The following PRKG1 variants were observed in gnomAD, a reference collection of about 807,000 sequenced individuals.
PRKG1 encodes the protein protein kinase cGMP-dependent 1.
Under a neutral mutation model 88.1 loss-of-function variants are expected in PRKG1, and 35 were observed. That is an observed-to-expected ratio of 0.40 (90% CI 0.30 to 0.53). PRKG1 has a LOEUF of 0.53. Ranked by LOEUF, PRKG1 falls within the 20% of genes least tolerant of loss-of-function variation. The probability of loss-of-function intolerance (pLI) is 0.59; values close to 1 mark genes in which losing one functional copy is unlikely to be tolerated. For synonymous variants in PRKG1, 303 were observed against 292.5 expected, an observed-to-expected ratio of 1.04 and a Z score of -0.37; for missense variants, 540 against 839.8, an observed-to-expected ratio of 0.64 and a Z score of 4.41.
At chr10:51,677,025 A>G (rs1453511151) in intron 3 of PRKG1, among the ~76,000 whole-genome samples, 1 of 152,122 alleles carries the variant, frequency 6.6e-6, no homozygotes, top group Non-Finnish European at 1.5e-5. Context: ...AGCCCCCTGT[A>G]TGTGCCCTCC....
intron 5 of PRKG1, among the ~76,000 whole-genome samples, chr10:52,037,554 C>T (rs1359852908): frequency 6.6e-6 from 1 of 152,078 alleles, no homozygotes; most frequent in Non-Finnish European, 1.5e-5. Flanking sequence ...AAGTCATGAA[C>T]TGGGCTGGAT....
intron 3 of PRKG1, among the ~76,000 whole-genome samples, chr10:51,485,207 G>T (rs1397999531): frequency 1.3e-5 from 2 of 152,152 alleles, no homozygotes; most frequent in Admixed American, 1.3e-4. Flanking sequence ...TAAAGAGTAT[G>T]CAGTGTCCTG....
intron 9 of PRKG1, among the ~76,000 whole-genome samples, chr10:52,179,976 C>T (rs1288236940): frequency 4.6e-5 from 7 of 152,166 alleles, no homozygotes; most frequent in East Asian, 1.9e-4. Context: ...CGTGAGCCAC[C>T]GTGCCCAGCC....
intron 14 of PRKG1, among the ~76,000 whole-genome samples, chr10:52,286,365 A>T (rs1842116021): frequency 6.6e-6 from 1 of 152,040 alleles, no homozygotes; most frequent in Admixed American, 6.6e-5. Context: ...TCAAATTCAA[A>T]CACGACATAT....
intron 17 of PRKG1, 60 bp downstream of exon 17, chr10:52,290,350 A>G: frequency 6.6e-6 from 9 of 1,360,230 alleles, no homozygotes; most frequent in Non-Finnish European, 8.2e-6. Flanking sequence ...ATGTCAGTCA[A>G]CAATGATCTG....
At chr10:52,004,562 T>C (rs1253533429) in intron 5 of PRKG1, among the ~76,000 whole-genome samples, 2 of 152,194 alleles carry the variant, frequency 1.3e-5, no homozygotes, top group African/African-American at 2.4e-5. Context: ...ATGATTCTTA[T>C]GTATGTTAGG....
At chr10:51,349,936 T>A (rs1378217320) in intron 2 of PRKG1, among the ~76,000 whole-genome samples, 1 of 152,150 alleles carries the variant, frequency 6.6e-6, no homozygotes, top group Non-Finnish European at 1.5e-5. Flanking sequence ...ATGAGCTTAC[T>A]CTCTATAGAA....
chr10:51,393,034 C>T (rs1365125737), intron 2 of PRKG1, among the ~76,000 whole-genome samples: 2 of 145,520 alleles, frequency 1.4e-5, no homozygotes, highest in African/African-American at 2.5e-5. Context: ...GGGTGGTTGC[C>T]GGGCGGAGGG....
chr10:52,225,450 CTGACTGTTCCTTT>C (rs1381882698), intron 9 of PRKG1, among the ~76,000 whole-genome samples: 1 of 152,094 alleles, frequency 6.6e-6, no homozygotes, highest in Non-Finnish European at 1.5e-5. Context: ...GTTTACTCTG[CTGACTGTTCCTTT>C]TGCCATGCAA....
At chr10:51,559,446 G>C (rs1837401217) in intron 3 of PRKG1, among the ~76,000 whole-genome samples, 1 of 152,072 alleles carries the variant, frequency 6.6e-6, no homozygotes, top group South Asian at 2.1e-4. Context: ...TAGTGCGTTA[G>C]AGACTTGGAA....
Position 51,347,980 on chromosome 10 carries a change from G to A in PRKG1, c.479-119743G>A, listed in dbSNP as rs371445702. 5.3e-5 allele frequency among the ~76,000 whole-genome samples: 8 copies of A among 151,972 alleles called. No individual in the cohort carries two copies. In the South Asian group the frequency reaches 1.0e-3, roughly 20 times the overall value. On this transcript the variant is annotated intron_variant, in intron 2 of 17. Coordinates refer to ENST00000373980, the MANE Select transcript of PRKG1 (RefSeq NM_006258.4). Reference sequence around the variant, plus strand: ...CGGGAGGCTGAGGCAGGACAATGGCGTGAACCCGGGAGGCGGAGCTTGCAG... The same window carrying A: ...CGGGAGGCTGAGGCAGGACAATGGCATGAACCCGGGAGGCGGAGCTTGCAG...
intron 2 of PRKG1, among the ~76,000 whole-genome samples, chr10:51,411,288 A>G (rs1167885992): frequency 6.6e-6 from 1 of 152,232 alleles, no homozygotes; most frequent in Non-Finnish European, 1.5e-5. Flanking sequence ...GGCCTGAGCC[A>G]CGGCAAGTGG....
chr10:51,533,473 G>C (rs941137265), intron 3 of PRKG1, among the ~76,000 whole-genome samples: 1 of 152,082 alleles, frequency 6.6e-6, no homozygotes, highest in Non-Finnish European at 1.5e-5. Context: ...GCCTGAACTT[G>C]CTTGTAACAG....
At chr10:51,711,749 A>G (rs1316406695) in intron 3 of PRKG1, among the ~76,000 whole-genome samples, 1 of 152,150 alleles carries the variant, frequency 6.6e-6, no homozygotes, top group Non-Finnish European at 1.5e-5. Flanking sequence ...TGGGTGAGAA[A>G]CCAGATAAGA....
At chr10:51,192,332 C>CATT (rs1203119229) in intron 2 of PRKG1, among the ~76,000 whole-genome samples, 1 of 151,812 alleles carries the variant, frequency 6.6e-6, no homozygotes, top group Non-Finnish European at 1.5e-5. Context: ...AGCCTCTCTG[C>CATT]ATTTCATTTT....
At chr10:52,163,367 A>G (rs2132691492) in intron 9 of PRKG1, among the ~76,000 whole-genome samples, 1 of 149,658 alleles carries the variant, frequency 6.7e-6, no homozygotes, top group African/African-American at 2.4e-5. Context: ...ATTATACAAT[A>G]TTAAATATAC....
At chr10:51,367,129 C>CT (rs938011962) in intron 2 of PRKG1, among the ~76,000 whole-genome samples, 4 of 151,702 alleles carry the variant, frequency 2.6e-5, no homozygotes, top group Non-Finnish European at 4.4e-5. Context: ...AACTAAGACT[C>CT]TTTTTTTTCC....
At chr10:51,901,446 C>A (rs1564700011) in intron 4 of PRKG1, among the ~76,000 whole-genome samples, 1 of 152,218 alleles carries the variant, frequency 6.6e-6, no homozygotes, top group East Asian at 1.9e-4. Context: ...GGTACCATAC[C>A]GTTTGAAAGA....
At chr10:51,023,289 A>G (rs1348681495) in intron 1 of PRKG1, among the ~76,000 whole-genome samples, 1 of 152,204 alleles carries the variant, frequency 6.6e-6, no homozygotes, top group Non-Finnish European at 1.5e-5. Context: ...ACTATGAAAC[A>G]TTGTTTACTA....
Sources: allele counts gnomAD v4.1 joint callset (sites outside exome capture counted in the v4.1 genomes callset), GRCh38; gene constraint gnomAD v4.1.1; transcripts MANE v1.5; gene names NCBI Gene and HGNC (gene_info 2026-07-23, HGNC 2026-07-21).